Variants in AMPD1 observed in about 807,000 individuals in gnomAD.
AMPD1 encodes adenosine monophosphate deaminase 1, also known as AMP deaminase 1.
Under a neutral mutation model 82.9 loss-of-function variants are expected in AMPD1, and 74 were observed. That is an observed-to-expected ratio of 0.89 (90% CI 0.74 to 1.08). AMPD1 has a LOEUF of 1.08. Among genes scored for constraint, AMPD1 ranks in the 50% least tolerant of loss-of-function variants. AMPD1 has a pLI of 0.00. For synonymous variants in AMPD1, 333 were observed against 320.5 expected (o/e 1.04, Z -0.42); for missense variants, 881 against 924.5 (o/e 0.95, Z 0.61).
chr1:114,681,344 C>G (rs1326070196), intron 5 of AMPD1, among the ~76,000 whole-genome samples: 1 of 152,058 alleles, frequency 6.6e-6, no homozygotes, highest in African/African-American at 2.4e-5. Flanking sequence ...CCTGTAATCC[C>G]AGCATTTTGG....
At chr1:114,674,998 C>A in intron 12 of AMPD1, 126 bp from the exon 13 acceptor site, 1 of 1,239,102 alleles carries the variant, frequency 8.1e-7, no homozygotes, top group Non-Finnish European at 1.2e-6. Flanking sequence ...CAAAACAGTC[C>A]CAAATCATAA....
intron 1 of AMPD1, among the ~76,000 whole-genome samples, chr1:114,693,747 T>C (rs1460981648): frequency 6.6e-6 from 1 of 152,248 alleles, no homozygotes; most frequent in Admixed American, 6.5e-5. Context: ...AATGCTCATA[T>C]GATGTTGGTA....
Position 114,693,424 on chromosome 1 carries a change from T to C in AMPD1, c.34+12A>G, listed in dbSNP as rs368862651. On this transcript the variant is annotated intron_variant, in intron 2 of 15. Transcript: ENST00000520113. Reference sequence around the variant, plus strand: ...CTCTGACAAATGGCAGCAAAAGTAATGCAATACTCACGTTTCTCTTCAGCT... The same window carrying C: ...CTCTGACAAATGGCAGCAAAAGTAACGCAATACTCACGTTTCTCTTCAGCT... 5 of 1,609,702 alleles carry C rather than the reference T, an allele frequency of 3.1e-6. No individual in the cohort carries two copies. The East Asian group carries it at 6.7e-5, about 22-fold the overall frequency.
chr1:114,688,248 C>T (rs1196358242), intron 3 of AMPD1, among the ~76,000 whole-genome samples: 3 of 152,182 alleles, frequency 2.0e-5, no homozygotes, highest in Non-Finnish European at 4.4e-5. Flanking sequence ...CTGCCTCAAC[C>T]TCCCAGGTAG....
In AMPD1 at chr1:114,695,395, C is replaced by CAA. The variant is rs68036474; in HGVS notation, c.22+53_22+54dup. On this transcript the variant is annotated intron_variant, in intron 1 of 15. Transcript: ENST00000520113. Reference sequence around the variant, plus strand: ...GGTAGCTAAAGGAACAGTTGCTTGTCAAAAAAAAAAAAAAACAACAACAAC... The same window carrying CAA: ...GGTAGCTAAAGGAACAGTTGCTTGTCAAAAAAAAAAAAAAAAACAACAACAAC... 9,413 of 1,443,846 alleles carry CAA rather than the reference C, an allele frequency of 6.5e-3. 1 individual carries two copies. The highest frequency in any genetic ancestry group is 7.5e-3 in the Non-Finnish European group (7,963 of 1,064,570). The allele number at this position is 1,443,846 out of a possible 1,614,324, so 89.4% of individuals were successfully genotyped here. A position where few individuals can be genotyped will look rare whatever the true frequency, so the allele number is the denominator to read the frequency against.
chr1:114,684,536 G>C, intron 4 of AMPD1, 172 bp from the exon 5 acceptor site: 1 of 690,758 alleles, frequency 1.4e-6, no homozygotes, highest in South Asian at 1.7e-5. Flanking sequence ...CTCCCTCCCA[G>C]AGCAGGTCCT....
intron 5 of AMPD1, among the ~76,000 whole-genome samples, chr1:114,680,703 G>A (rs896797691): frequency 2.0e-5 from 3 of 152,174 alleles, no homozygotes; most frequent in East Asian, 1.9e-4. Flanking sequence ...GCAGTGGCTC[G>A]TGCCTGTAAT....
chr1:114,693,098 C>G (rs911930973), intron 2 of AMPD1, among the ~76,000 whole-genome samples: 16 of 149,878 alleles, frequency 1.1e-4, no homozygotes, highest in African/African-American at 3.9e-4. Flanking sequence ...GCACTCCATC[C>G]TGGGTGACCA....
intron 4 of AMPD1, 166 bp from the exon 5 acceptor site, chr1:114,684,530 C>G (rs1243322188): frequency 2.8e-6 from 2 of 711,760 alleles, no homozygotes; most frequent in Non-Finnish European, 4.8e-6. Context: ...CTGGATCTCC[C>G]TCCCAGAGCA....
intron 5 of AMPD1, 109 bp from the exon 6 acceptor site, chr1:114,680,587 C>T: frequency 1.1e-6 from 1 of 912,936 alleles, no homozygotes; most frequent in East Asian, 2.4e-5. Flanking sequence ...GAATCCGGTA[C>T]TTAAGTTGTA....
intron 5 of AMPD1, among the ~76,000 whole-genome samples, chr1:114,681,472 G>A (rs1658156746): frequency 6.6e-6 from 1 of 151,562 alleles, no homozygotes; most frequent in African/African-American, 2.4e-5. Flanking sequence ...GTGTGCGCCT[G>A]TAGTCCCAGC....
At position 114,682,787 on chromosome 1, in the gene AMPD1, C is replaced by T. The variant is rs182960166; in HGVS notation, c.547+1412G>A. On this transcript the variant is annotated intron_variant, in intron 5 of 15. Transcript: ENST00000520113. Reference sequence around the variant, plus strand: ...TAGAGACGGGGTTTCACCGTGTTAGCCAAGATGGTCTCGATCTCCTGACCT... The same window carrying T: ...TAGAGACGGGGTTTCACCGTGTTAGTCAAGATGGTCTCGATCTCCTGACCT... Among the ~76,000 whole-genome samples, 7 of 152,204 alleles carry T rather than the reference C, an allele frequency of 4.6e-5. No individual in the cohort carries two copies. In the East Asian group the frequency reaches 9.7e-4, roughly 21 times the overall value.
chr1:114,679,747 G>C (rs1658101386), intron 6 of AMPD1, 39 bp from the exon 7 acceptor site: 1 of 1,611,912 alleles, frequency 6.2e-7, no homozygotes, highest in Non-Finnish European at 8.5e-7. Flanking sequence ...AAAAGTTTCA[G>C]GCATTCAAGA....
At chr1:114,676,065 T>C in intron 10 of AMPD1, 62 bp from the exon 11 acceptor site, 2 of 1,570,372 alleles carry the variant, frequency 1.3e-6, no homozygotes, top group Non-Finnish European at 1.7e-6. Flanking sequence ...ATAGCCCCAG[T>C]ATGAGGGAAC....
intron 4 of AMPD1, 103 bp downstream of exon 4, chr1:114,686,642 G>A (rs1379020323): frequency 3.2e-6 from 4 of 1,233,772 alleles, no homozygotes; most frequent in Non-Finnish European, 4.7e-6. Flanking sequence ...GGACAGGTGA[G>A]CTAATACCTC....
In AMPD1 at chr1:114,678,050, G is replaced by A; in HGVS notation, c.1093-9C>T. The A allele has an allele frequency of 6.2e-7, 1 of 1,613,588 alleles. No homozygotes were observed. The highest frequency in any genetic ancestry group is 8.5e-7 in the Non-Finnish European group (1 of 1,179,958). ...TGGAAGGTCTGGCGTCCCTGAATCA[G>A]GAAAAAAGAGCAGAGATGTATTATT... On this transcript the variant is annotated splice_polypyrimidine_tract_variant and intron_variant, in intron 8 of 15. Transcript: ENST00000520113.
chr1:114,673,694 C>T lies in AMPD1; in HGVS notation c.2030G>A (p.Cys677Tyr). Residue 677 changes from cysteine (C) to tyrosine (Y), a missense_variant, in exon 15 of 16, where the codon TGT becomes TAT. Cys to Tyr is a radical substitution (Grantham distance 194). Coordinates refer to ENST00000520113, the MANE Select transcript of AMPD1 (RefSeq NM_000036.3). ...GTTCCTTGCCACTTCGCACATATCA[C>T]AGGTGCTCAGCTTGAAGACTTGTGC... ...IAAQVFKLST[C>Y]DMCEVARNSV... is the part of the protein sequence containing the mutation. 1.2e-6 allele frequency: 2 copies of T among 1,614,140 alleles called. No homozygotes were observed. The highest frequency in any genetic ancestry group is 1.7e-6 in the Non-Finnish European group (2 of 1,180,012).
Position 114,680,263 on chromosome 1 carries a change from G to C in AMPD1, c.763C>G (p.Pro255Ala). The stretch of plus-strand genomic sequence containing the variant: ...TAGGTCTCACTAAACACTTACACAG[G>C]TCCTTGAGCAATTAAAGCAAGTAAA... ...NFLLALIAQGPVKTYTHRRLK... is the reference protein window; with the variant it reads ...NFLLALIAQGAVKTYTHRRLK... Residue 255 changes from proline to alanine, a missense_variant, in exon 6 of 16, where the codon CCT (proline) becomes GCT (alanine). Pro to Ala is a conservative substitution (Grantham distance 27, BLOSUM62 -1). Around this residue, in one of 2 missense-constraint regions of AMPD1, gnomAD observed 783 missense variants for 786.4 expected, o/e 1.00. Coordinates refer to ENST00000520113, the MANE Select transcript of AMPD1 (RefSeq NM_000036.3). 6.2e-7 allele frequency: 1 copy of C among 1,613,416 alleles called. No homozygotes were observed. Among genetic ancestry groups the C allele is most frequent in the Non-Finnish European group, 8.5e-7 (1 of 1,179,924 alleles).
At position 114,680,373 on chromosome 1, in the gene AMPD1, T is replaced by C; in HGVS notation, c.653A>G (p.Tyr218Cys). Residue 218 changes from tyrosine to cysteine, a missense_variant, in exon 6 of 16, where the codon TAT becomes TGT. Physicochemically the swap from Tyr to Cys is radical, Grantham distance 194 (BLOSUM62 -2). Coordinates refer to ENST00000520113, the MANE Select transcript of AMPD1 (RefSeq NM_000036.3). ...TTTGCTGACTGCTGCTTCATTAGGA[T>C]AGACGTAAACTACACCGTCCTTCAT... ...LKMKDGVVYV[Y>C]PNEAAVSKDE... The C allele has an allele frequency of 6.2e-7, 1 of 1,614,210 alleles. No homozygotes were observed. Among genetic ancestry groups the C allele is most frequent in the African/African-American group, 1.3e-5 (1 of 75,050 alleles).
Sources: gnomAD v4.1 joint callset for allele counts (sites outside exome capture counted in the v4.1 genomes callset) on GRCh38, gnomAD v4.1.1 for gene constraint, gnomAD v4.1.1 regional missense constraint, MANE v1.5 for transcripts, NCBI Gene and HGNC (gene_info 2026-07-23, HGNC 2026-07-21) for gene names.